The following PIP4K2A variants were observed in gnomAD, a reference collection of about 807,000 sequenced individuals.
The protein encoded by PIP4K2A is phosphatidylinositol 5-phosphate 4-kinase type-2 alpha.
A neutral mutation model predicts 42.9 loss-of-function variants in PIP4K2A; 14 were observed. The ratio of observed to expected loss-of-function variants is 0.33; its 90% CI spans 0.22 to 0.51. The LOEUF (loss-of-function observed/expected upper bound fraction) is 0.51, where lower values mean the gene tolerates loss of function less well. PIP4K2A is among the 20% of genes least tolerant of loss of function. The pLI is 0.97. For missense variants in PIP4K2A, 434 were observed against 519.8 expected (o/e 0.83, Z 1.61); for synonymous variants, 192 against 192.2 (o/e 1.00, Z 0.01).
intron 8 of PIP4K2A, among the ~76,000 whole-genome samples, chr10:22,540,904 C>T (rs182206347): frequency 6.6e-5 from 10 of 152,266 alleles, no homozygotes; most frequent in Non-Finnish European, 1.5e-4. Context: ...AAGAAAAGTA[C>T]ATTTGACTAT....
chr10:22,631,154 C>G (rs994598383), intron 1 of PIP4K2A, among the ~76,000 whole-genome samples: 3 of 152,254 alleles, frequency 2.0e-5, no homozygotes, highest in African/African-American at 7.2e-5. Flanking sequence ...TAGCAATAAT[C>G]CCTCTTCCAA....
chr10:22,585,055 T>A (rs1164565391), intron 4 of PIP4K2A, among the ~76,000 whole-genome samples: 4 of 152,180 alleles, frequency 2.6e-5, no homozygotes. Context: ...AGAGCCCTGA[T>A]GAAAGTCTAA....
intron 1 of PIP4K2A, among the ~76,000 whole-genome samples, chr10:22,664,142 C>CGTATAT (rs1319988593): frequency 3.6e-5 from 1 of 27,960 alleles, no homozygotes; most frequent in African/African-American, 3.4e-4. Context: ...TATATATATA[C>CGTATAT]ATATATATAC....
intron 1 of PIP4K2A, among the ~76,000 whole-genome samples, chr10:22,638,527 G>A (rs2130786163): frequency 6.6e-6 from 1 of 152,314 alleles, no homozygotes; most frequent in African/African-American, 2.4e-5. Flanking sequence ...AGAGCAGGAA[G>A]AGTACAACAG....
chr10:22,623,338 A>G (rs539583522), intron 1 of PIP4K2A, among the ~76,000 whole-genome samples: 45 of 152,240 alleles, frequency 3.0e-4, no homozygotes, highest in African/African-American at 1.1e-3. Flanking sequence ...TTTTCATAGT[A>G]ATGATGGAGA....
intron 1 of PIP4K2A, chr10:22,694,150 C>T (rs1368066733): frequency 2.0e-5 from 3 of 152,148 alleles, no homozygotes; most frequent in Non-Finnish European, 4.4e-5. Context: ...CAAGGGGTTA[C>T]TGTACCTGAA....
Position 22,567,909 on chromosome 10 carries a change from T to C in PIP4K2A, c.640-20A>G. The C allele has an allele frequency of 6.2e-7, 1 of 1,611,780 alleles. No homozygotes were observed. The highest frequency in any genetic ancestry group is 1.3e-5 in the African/African-American group (1 of 74,976). On this transcript the variant is annotated intron_variant, in intron 5 of 9. Coordinates refer to ENST00000376573, the MANE Select transcript of PIP4K2A (RefSeq NM_005028.5). Reference sequence around the variant, plus strand: ...AGAGCCCTGAAACACAAGGCAATAATAAAAACATGCGCATGGGAGGCATTG... The same window carrying C: ...AGAGCCCTGAAACACAAGGCAATAACAAAAACATGCGCATGGGAGGCATTG...
intron 1 of PIP4K2A, among the ~76,000 whole-genome samples, chr10:22,627,591 T>TAAATAAAAAAAAAAAAAAAAAAAAAAA (rs1838469660): frequency 1.8e-5 from 1 of 56,994 alleles, no homozygotes; most frequent in Non-Finnish European, 3.1e-5. Flanking sequence ...TAATATGTAA[T>TAAATAAAAAAAAAAAAAAAAAAAAAAA]AAAAAAAAAA....
chr10:22,559,608 T>G (rs982032951), intron 6 of PIP4K2A, among the ~76,000 whole-genome samples: 1 of 152,210 alleles, frequency 6.6e-6, no homozygotes, highest in Non-Finnish European at 1.5e-5. Context: ...AGAATACCCC[T>G]CATGGTTTAT....
chr10:22,544,693 C>A (rs1486240963), intron 7 of PIP4K2A, among the ~76,000 whole-genome samples: 1 of 152,220 alleles, frequency 6.6e-6, no homozygotes, highest in East Asian at 1.9e-4. Context: ...TGAACCTGAT[C>A]CCATCCTGTT....
At chr10:22,668,937 T>C (rs1839399492) in intron 1 of PIP4K2A, among the ~76,000 whole-genome samples, 2 of 152,218 alleles carry the variant, frequency 1.3e-5, no homozygotes, top group African/African-American at 4.8e-5. Context: ...TTCTGTTAGC[T>C]CAATTTTCTG....
At chr10:22,580,995 A>G (rs72816824) in intron 4 of PIP4K2A, among the ~76,000 whole-genome samples, 1,916 of 152,336 alleles carry the variant, frequency 0.013, 25 homozygotes, top group Middle Eastern at 0.065. Context: ...TGAGGCTGCA[A>G]ATGGACCAAA....
chr10:22,711,012 A>G lies in PIP4K2A; in HGVS notation c.144+3171T>C, dbSNP rs77736263. 2.6e-3 allele frequency among the ~76,000 whole-genome samples: 392 copies of G among 152,312 alleles called. 4 individuals are homozygous for G. The highest frequency in any genetic ancestry group is 9.2e-3 in the African/African-American group (383 of 41,560). Reference sequence around the variant, plus strand: ...ATCTTAAGACGCTTACTGTTTGATCATTTTTAGTTTAATTCTAAATGTAAC... The same window carrying G: ...ATCTTAAGACGCTTACTGTTTGATCGTTTTTAGTTTAATTCTAAATGTAAC... On this transcript the variant is annotated intron_variant, in intron 1 of 9. Coordinates refer to ENST00000376573, the MANE Select transcript of PIP4K2A (RefSeq NM_005028.5).
chr10:22,636,439 A>C (rs950575539), intron 1 of PIP4K2A, among the ~76,000 whole-genome samples: 1 of 152,126 alleles, frequency 6.6e-6, no homozygotes, highest in African/African-American at 2.4e-5. Flanking sequence ...CAAACAAAAA[A>C]CACTGTAGAG....
In PIP4K2A at chr10:22,536,440, C is replaced by A; in HGVS notation, c.*761G>T. 4.5e-6 allele frequency: 1 copy of A among 221,868 alleles called. No homozygotes were observed. Among genetic ancestry groups the A allele is most frequent in the South Asian group, 1.9e-4 (1 of 5,382 alleles). 13.7% of individuals were successfully genotyped at this position (221,868 alleles called of 1,614,324 possible). On this transcript the variant is annotated 3_prime_UTR_variant, in exon 10 of 10. Transcript: ENST00000376573. ...AAAAATGTATAGAGAATCACTGGGG[C>A]ATCAGCTGCTTGTTGCGGGAGGGGT...
intron 1 of PIP4K2A, among the ~76,000 whole-genome samples, chr10:22,619,439 C>CTTTTTTTTTTTTTTTTTTTT (rs746519034): frequency 7.3e-6 from 1 of 137,508 alleles, no homozygotes; most frequent in African/African-American, 2.8e-5. Context: ...TTTCTTTTTT[C>CTTTTTTTTTTTTTTTTTTTT]TTTTTTTTTT....
chr10:22,617,777 T>C (rs559218509), intron 1 of PIP4K2A, among the ~76,000 whole-genome samples: 2 of 151,972 alleles, frequency 1.3e-5, no homozygotes, highest in African/African-American at 2.4e-5. Flanking sequence ...AGACAGGAGA[T>C]GTCGAGAGTG....
intron 1 of PIP4K2A, among the ~76,000 whole-genome samples, chr10:22,668,846 GT>G (rs1839397847): frequency 6.6e-6 from 1 of 152,130 alleles, no homozygotes; most frequent in Non-Finnish European, 1.5e-5. Flanking sequence ...GCAAAACATG[GT>G]TTGGGCTGTT....
chr10:22,542,269 G>A (rs922865025), intron 7 of PIP4K2A, among the ~76,000 whole-genome samples: 33 of 152,280 alleles, frequency 2.2e-4, no homozygotes, highest in African/African-American at 5.5e-4. Context: ...GTTTACCCTG[G>A]AATGCCACAC....
Sources: allele counts gnomAD v4.1 joint callset (sites outside exome capture counted in the v4.1 genomes callset), GRCh38; gene constraint gnomAD v4.1.1; transcripts MANE v1.5; gene names NCBI Gene and HGNC (gene_info 2026-07-23, HGNC 2026-07-21).